The following MICU3 variants were observed in gnomAD, a reference collection of about 807,000 sequenced individuals.
MICU3 encodes the protein calcium uptake protein 3, mitochondrial.
Under a neutral mutation model 66.5 loss-of-function variants are expected in MICU3, and 62 were observed. That is an observed-to-expected ratio of 0.93 (90% CI 0.76 to 1.15). The LOEUF (loss-of-function observed/expected upper bound fraction) is 1.15, where lower values mean the gene tolerates loss of function less well. MICU3 is among the 50% of genes most tolerant of loss of function. The pLI, the probability that MICU3 is intolerant of heterozygous loss-of-function variation, is 0.00. For missense variants in MICU3, 779 were observed against 664.4 expected (o/e 1.17, Z -1.90); for synonymous variants, 308 against 240.7 (o/e 1.28, Z -2.59).
chr8:17,138,317 T>C, the MICU3 span, among the ~76,000 whole-genome samples: 1 of 152,136 alleles, frequency 6.6e-6, no homozygotes, highest in Non-Finnish European at 1.5e-5. Flanking sequence ...ATAATGTTTT[T>C]ATTTTGAATG....
At chr8:17,052,507 C>T (rs1470995132) in intron 1 of MICU3, among the ~76,000 whole-genome samples, 2 of 152,126 alleles carry the variant, frequency 1.3e-5, no homozygotes, top group Admixed American at 6.5e-5. Flanking sequence ...ATTTCCCCAA[C>T]CCCCACTCAC....
chr8:17,098,693 A>G (rs1032968438), intron 9 of MICU3, 140 bp downstream of exon 9: 4 of 601,912 alleles, frequency 6.6e-6, no homozygotes, highest in Non-Finnish European at 1.2e-5. Flanking sequence ...ATTACTATAT[A>G]TAAACTGTGT....
chr8:17,127,624 T>A (rs543058297), downstream of MICU3, among the ~76,000 whole-genome samples: 1 of 152,260 alleles, frequency 6.6e-6, no homozygotes, highest in Non-Finnish European at 1.5e-5. Context: ...ATTATGCTAC[T>A]AATTCAGTTT....
At chr8:17,138,402 G>A in the MICU3 span, among the ~76,000 whole-genome samples, 1 of 152,102 alleles carries the variant, frequency 6.6e-6, no homozygotes, top group African/African-American at 2.4e-5. Context: ...GTCATGGCAG[G>A]GTGGTGGACC....
At chr8:17,067,414 A>C (rs1818886864) in intron 2 of MICU3, among the ~76,000 whole-genome samples, 2 of 151,106 alleles carry the variant, frequency 1.3e-5, no homozygotes, top group Non-Finnish European at 2.9e-5. Context: ...CATCGTCATC[A>C]GAATTCATAG....
intron 11 of MICU3, among the ~76,000 whole-genome samples, chr8:17,108,610 A>G (rs1711652459): frequency 6.6e-6 from 1 of 152,176 alleles, no homozygotes. Flanking sequence ...TACTACCTGT[A>G]TAAGAATTTA....
chr8:17,091,228 T>C (rs1186455578), intron 8 of MICU3, among the ~76,000 whole-genome samples: 1 of 152,150 alleles, frequency 6.6e-6, no homozygotes, highest in Non-Finnish European at 1.5e-5. Flanking sequence ...CTTCTTATGC[T>C]GAGCTTTCTT....
intron 5 of MICU3, 152 bp from the exon 6 acceptor site, chr8:17,085,084 A>G: frequency 4.4e-6 from 2 of 449,788 alleles, no homozygotes. Context: ...TATTAAGTGT[A>G]CTAATTATAA....
chr8:17,062,205 T>C (rs535692430), intron 1 of MICU3, among the ~76,000 whole-genome samples: 1 of 152,348 alleles, frequency 6.6e-6, no homozygotes, highest in South Asian at 2.1e-4. Flanking sequence ...CACATGTTCA[T>C]ATCTTTTCTT....
chr8:17,029,707 C>A (rs895087511), intron 1 of MICU3, among the ~76,000 whole-genome samples: 12 of 152,102 alleles, frequency 7.9e-5, no homozygotes, highest in Non-Finnish European at 1.6e-4. Context: ...GAAATTTTCA[C>A]AGTAATGAGC....
At chr8:17,103,452 T>TA (rs1801455626) in intron 9 of MICU3, among the ~76,000 whole-genome samples, 1 of 151,870 alleles carries the variant, frequency 6.6e-6, no homozygotes, top group Non-Finnish European at 1.5e-5. Context: ...TTTTCTTGAA[T>TA]AAAAAATAGG....
chr8:17,108,544 T>G (rs911596404), intron 11 of MICU3, among the ~76,000 whole-genome samples: 2 of 152,160 alleles, frequency 1.3e-5, no homozygotes, highest in Admixed American at 6.6e-5. Context: ...GCCAAAATTT[T>G]GGACTCCCTC....
rs763016855 is a variant in MICU3, at chr8:17,070,638, G to GATTTT, written c.567+919_567+920insATTTT. On this transcript the variant is annotated intron_variant, in intron 3 of 14. Transcript: ENST00000318063. The stretch of plus-strand genomic sequence containing the variant: ...ATTCCTTTTATATTTTTATAGATAT[G>GATTTT]TTTTTTTTTTTTAAAAAAAAGAATA... Among the ~76,000 whole-genome samples, 119 of 140,120 alleles carry GATTTT rather than the reference G, an allele frequency of 8.5e-4. 1 individual carries two copies. The South Asian group carries it at 0.01, about 12-fold the overall frequency. The allele number at this position is 140,120 out of a possible 152,430, so 91.9% of individuals were successfully genotyped here. A position where few individuals can be genotyped will look rare whatever the true frequency, so the allele number is the denominator to read the frequency against.
chr8:17,028,656 G>C (rs1199875374), intron 1 of MICU3, among the ~76,000 whole-genome samples: 1 of 152,170 alleles, frequency 6.6e-6, no homozygotes, highest in Non-Finnish European at 1.5e-5. Context: ...TTCCTTTGGT[G>C]GAGGTTGTCA....
At chr8:17,085,379 G>GT (rs1799362739) in intron 6 of MICU3, 61 bp downstream of exon 6, 1 of 1,184,090 alleles carries the variant, frequency 8.4e-7, no homozygotes, top group African/African-American at 1.6e-5. Flanking sequence ...ATATTTTTAT[G>GT]TTTTTGCCTT....
intron 5 of MICU3, among the ~76,000 whole-genome samples, chr8:17,082,837 A>G (rs1238513015): frequency 1.3e-5 from 2 of 152,186 alleles, no homozygotes; most frequent in Non-Finnish European, 2.9e-5. Context: ...TGACGTTAAC[A>G]TTGAGTTCTG....
At position 17,061,373 on chromosome 8, in the gene MICU3, C is replaced by T. The variant is rs559550434; in HGVS notation, c.382-2711C>T. 1.1e-4 allele frequency among the ~76,000 whole-genome samples: 16 copies of T among 151,814 alleles called. No individual in the cohort carries two copies. In the South Asian group the frequency reaches 1.9e-3, roughly 18 times the overall value. On this transcript the variant is annotated intron_variant, in intron 1 of 14. Transcript: ENST00000318063. ...GATGAAAAAACAGGCATCTCAGGAG[C>T]GGTAGTGGCAAGAGATGAGAAAACA...
downstream of MICU3, among the ~76,000 whole-genome samples, chr8:17,125,097 T>C (rs538583781): frequency 1.1e-3 from 174 of 152,210 alleles, no homozygotes; most frequent in Non-Finnish European, 2.0e-3. Flanking sequence ...TTTCCTGGTA[T>C]TTCTATTATT....
chr8:17,105,549 T>C lies in MICU3; in HGVS notation c.1222T>C (p.Leu408=), dbSNP rs1455837368. ...YTNVENTSVF[L]ENVRYSIPEE... ...AAATGTGGAAAATACATCAGTATTT[T>C]TAGAAAATGTGCGTTACAGTATACC... is the stretch of plus-strand genomic sequence containing the variant. The change falls in exon 11 of 15, where the codon TTA becomes CTA. Residue 408 remains leucine (L), a synonymous_variant. Coordinates refer to ENST00000318063, the MANE Select transcript of MICU3 (RefSeq NM_181723.3). 3 of 1,566,170 alleles carry C rather than the reference T, an allele frequency of 1.9e-6. No homozygotes were observed. The African/African-American group carries it at 4.2e-5, about 22-fold the overall frequency.
Sources: allele counts gnomAD v4.1 joint callset (sites outside exome capture counted in the v4.1 genomes callset), GRCh38; gene constraint gnomAD v4.1.1; transcripts MANE v1.5; gene names NCBI Gene and HGNC (gene_info 2026-07-23, HGNC 2026-07-21).